DNAJC6: variants seen among roughly 807,000 people sequenced by gnomAD.
DNAJC6 encodes the protein auxilin.
In DNAJC6, 34 loss-of-function variants were observed where a neutral mutation model predicts 110.0. The observed-to-expected ratio is 0.31, with a 90% CI of 0.24 to 0.41. The LOEUF is 0.41. Among genes scored for constraint, DNAJC6 ranks in the 10% least tolerant of loss-of-function variants. DNAJC6 has a pLI of 1.00. For synonymous variants in DNAJC6, 406 were observed against 437.2 expected, an observed-to-expected ratio of 0.93 and a Z score of 0.89; for missense variants, 1,031 against 1,207.8, an observed-to-expected ratio of 0.85 and a Z score of 2.17.
At chr1:65,312,964 T>C (rs1202863811) in intron 1 of DNAJC6, among the ~76,000 whole-genome samples, 8 of 152,092 alleles carry the variant, frequency 5.3e-5, no homozygotes, top group African/African-American at 1.9e-4. Context: ...CACACCCGGC[T>C]AATTTTTGTA....
intron 1 of DNAJC6, among the ~76,000 whole-genome samples, chr1:65,267,885 GGTGT>G (rs59260525): frequency 0.67 from 99,450 of 149,192 alleles, 33,785 homozygotes; most frequent in South Asian, 0.86. Flanking sequence ...GGTGTGAGGT[GGTGT>G]GTGTGTGTGT....
rs541151782 is a variant in DNAJC6 at position 65,327,672 on chromosome 1, G to A, written c.193+17734G>A. Among the ~76,000 whole-genome samples the A allele has an allele frequency of 3.9e-5, 6 of 152,032 alleles. No individual in the cohort carries two copies. The South Asian group carries it at 1.0e-3, about 26-fold the overall frequency. On this transcript the variant is annotated intron_variant, in intron 1 of 18. Coordinates refer to ENST00000371069, the MANE Select transcript of DNAJC6 (RefSeq NM_001256864.2). ...CAACATTTCATGTCTGGGTAATATT[G>A]GCAACCAGTTTGATTTAATTTATTA...
At position 65,315,633 on chromosome 1, in the gene DNAJC6, T is replaced by A. The variant is rs551741311; in HGVS notation, c.193+5695T>A. Among the ~76,000 whole-genome samples the A allele has an allele frequency of 5.1e-3, 777 of 152,306 alleles. 7 individuals are homozygous for A. Among genetic ancestry groups the A allele is most frequent in the African/African-American group, 0.018 (741 of 41,550 alleles). On this transcript the variant is annotated intron_variant, in intron 1 of 18. Coordinates refer to ENST00000371069, the MANE Select transcript of DNAJC6 (RefSeq NM_001256864.2). ...ATGACAAAAATAGCTACAATTTAATTATTATAATTCAGGGATTATGCTAAA... is the reference window on the plus strand; with the variant it reads ...ATGACAAAAATAGCTACAATTTAATAATTATAATTCAGGGATTATGCTAAA...
At position 65,380,872 on chromosome 1, in the gene DNAJC6, T is replaced by C. The variant is rs150261211; in HGVS notation, c.666+1348T>C. Reference sequence around the variant, plus strand: ...AATACCATGTCTTTGGGAAATGGAATTGAAGCTGGGGGAGGGAGTTTTTTT... The same window carrying C: ...AATACCATGTCTTTGGGAAATGGAACTGAAGCTGGGGGAGGGAGTTTTTTT... On this transcript the variant is annotated intron_variant, in intron 5 of 18. Coordinates refer to ENST00000371069, the MANE Select transcript of DNAJC6 (RefSeq NM_001256864.2). Among the ~76,000 whole-genome samples, 840 of 151,544 alleles carry C rather than the reference T, an allele frequency of 5.5e-3. 4 individuals are homozygous for C. The highest frequency in any genetic ancestry group is 8.3e-3 in the Non-Finnish European group (564 of 67,926).
At chr1:65,402,381 C>T (rs1646038810) in intron 15 of DNAJC6, among the ~76,000 whole-genome samples, 2 of 152,126 alleles carry the variant, frequency 1.3e-5, no homozygotes, top group African/African-American at 4.8e-5. Context: ...ATCGTATTTC[C>T]AGAATATTTT....
Position 65,392,791 on chromosome 1 carries a change from C to A in DNAJC6, c.1829C>A (p.Pro610His). 1 of 1,604,714 alleles carries A rather than the reference C, an allele frequency of 6.2e-7. No homozygotes were observed. The highest frequency in any genetic ancestry group is 8.5e-7 in the Non-Finnish European group (1 of 1,175,644). Residue 610 changes from proline to histidine, a missense_variant, in exon 12 of 19, where the codon CCT becomes CAT. Coordinates refer to ENST00000371069, the MANE Select transcript of DNAJC6 (RefSeq NM_001256864.2). ...GVEDVFHPSG[P>H]ASTQSTPRRS... ...GAAGATGTGTTTCATCCTAGTGGAC[C>A]TGCGTCTACCCAGTCAACACCACGC...
At chr1:65,330,202 T>G (rs912443950) in intron 1 of DNAJC6, among the ~76,000 whole-genome samples, 2 of 152,226 alleles carry the variant, frequency 1.3e-5, no homozygotes, top group African/African-American at 4.8e-5. Flanking sequence ...CCAGCTGGCC[T>G]GTGTGCCTCC....
chr1:65,377,094 G>A (rs1197354198), intron 4 of DNAJC6, among the ~76,000 whole-genome samples: 3 of 152,120 alleles, frequency 2.0e-5, no homozygotes, highest in Admixed American at 6.6e-5. Context: ...GTACAGACTC[G>A]TTTTGTGGAC....
intron 4 of DNAJC6, among the ~76,000 whole-genome samples, chr1:65,369,326 C>A (rs1012127686): frequency 6.6e-6 from 1 of 152,156 alleles, no homozygotes; most frequent in Non-Finnish European, 1.5e-5. Context: ...TCTTTTCAAA[C>A]TCCTAGACCT....
rs71056098 is a variant in DNAJC6, at chr1:65,311,215, G to GTTTTT, written c.193+1300_193+1304dup. 6.7e-3 allele frequency among the ~76,000 whole-genome samples: 461 copies of GTTTTT among 68,896 alleles called. 111 individuals carry two copies. Among genetic ancestry groups the GTTTTT allele is most frequent in the Non-Finnish European group, 9.0e-3 (337 of 37,368 alleles). The allele number at this position is 68,896 out of a possible 152,430, so 45.2% of individuals were successfully genotyped here. ...CCAAGGGATTGATGGTTTCAGGACTGTTTTTTTTTTTTTTTTTTTTTTTTT... is the reference window on the plus strand; with the variant it reads ...CCAAGGGATTGATGGTTTCAGGACTGTTTTTTTTTTTTTTTTTTTTTTTTTTTTTT... On this transcript the variant is annotated intron_variant, in intron 1 of 18. Transcript: ENST00000371069.
At chr1:65,311,185 G>T (rs1645095781) in intron 1 of DNAJC6, among the ~76,000 whole-genome samples, 2 of 135,726 alleles carry the variant, frequency 1.5e-5, no homozygotes, top group African/African-American at 2.7e-5. Flanking sequence ...AAACTAAAAT[G>T]ATCCCCAAGG....
rs1645877651 is a variant in DNAJC6 at position 65,386,830 on chromosome 1, T to C, written c.1014T>C (p.Asp338=). Residue 338 remains aspartate (D), a synonymous_variant, in exon 8 of 19, where the codon GAT becomes GAC. Transcript: ENST00000371069. ...FERMKEYRVQ[D]GKIFIPLNIT... is the part of the protein sequence containing the mutation. The stretch of plus-strand genomic sequence containing the variant: ...TTTACAGAGAATATCGTGTCCAAGA[T>C]GGAAAAATCTTCATTCCCTTGAACA... 6.2e-7 allele frequency: 1 copy of C among 1,614,154 alleles called. No homozygotes were observed. The highest frequency in any genetic ancestry group is 8.5e-7 in the Non-Finnish European group (1 of 1,179,998).
upstream of DNAJC6, among the ~76,000 whole-genome samples, chr1:65,306,125 G>GCAAGCTCCACCTCCTGGGTTCGCA (rs1645035228): frequency 7.0e-6 from 1 of 143,198 alleles, no homozygotes; most frequent in Non-Finnish European, 1.5e-5. Flanking sequence ...TTGGCTCACT[G>GCAAGCTCCACCTCCTGGGTTCGCA]CAAGCTCCAC....
chr1:65,265,131 T>A (rs905253872), intron 1 of DNAJC6, among the ~76,000 whole-genome samples: 2 of 152,224 alleles, frequency 1.3e-5, no homozygotes, highest in Non-Finnish European at 2.9e-5. Flanking sequence ...AAATATTGTG[T>A]CATTCAGCTT....
chr1:65,407,651 C>T (rs1646089660), intron 16 of DNAJC6, among the ~76,000 whole-genome samples: 1 of 152,160 alleles, frequency 6.6e-6, no homozygotes, highest in Non-Finnish European at 1.5e-5. Context: ...CATGCCAATT[C>T]CCCTCCATTT....
At chr1:65,281,436 TA>T (rs1264487087) in intron 1 of DNAJC6, among the ~76,000 whole-genome samples, 2 of 152,118 alleles carry the variant, frequency 1.3e-5, no homozygotes, top group Admixed American at 1.3e-4. Context: ...CTCCTCCCCC[TA>T]GCCCCTGGCA....
At chr1:65,393,120 C>T (rs1170636765) in intron 12 of DNAJC6, among the ~76,000 whole-genome samples, 2 of 152,246 alleles carry the variant, frequency 1.3e-5, no homozygotes, top group East Asian at 3.9e-4. Flanking sequence ...CTTTGTTTAG[C>T]ACTTCAACCC....
At chr1:65,384,849 G>A (rs1033689200) in intron 6 of DNAJC6, among the ~76,000 whole-genome samples, 4 of 152,196 alleles carry the variant, frequency 2.6e-5, no homozygotes, top group Non-Finnish European at 5.9e-5. Flanking sequence ...TAGGATATTA[G>A]ATTGTCATTC....
intron 16 of DNAJC6, among the ~76,000 whole-genome samples, chr1:65,407,738 G>A (rs1456700342): frequency 6.6e-6 from 1 of 152,144 alleles, no homozygotes; most frequent in Non-Finnish European, 1.5e-5. Flanking sequence ...AAAACATTGA[G>A]GATGCAGCAG....
Sources: gnomAD v4.1 joint callset for allele counts (sites outside exome capture counted in the v4.1 genomes callset) on GRCh38, gnomAD v4.1.1 for gene constraint, MANE v1.5 for transcripts, NCBI Gene and HGNC (gene_info 2026-07-23, HGNC 2026-07-21) for gene names.